Variants in BDKRB2 observed in about 807,000 individuals in gnomAD.
The protein encoded by BDKRB2 is bradykinin receptor B2.
Under a neutral mutation model 4.0 loss-of-function variants are expected in BDKRB2, and 6 were observed. That is an observed-to-expected ratio of 1.49 (90% CI 0.81 to 2.93). The LOEUF (loss-of-function observed/expected upper bound fraction) is 2.93. Among genes scored for constraint, BDKRB2 ranks in the 30% most tolerant of loss-of-function variants. The pLI is 0.00. For missense variants in BDKRB2, 478 were observed against 520.1 expected (o/e 0.92, Z 0.79); for synonymous variants, 225 against 215.3 (o/e 1.05, Z -0.40).
chr14:96,219,447 G>C (rs1283753555), intron 1 of BDKRB2, among the ~76,000 whole-genome samples: 1 of 152,010 alleles, frequency 6.6e-6, no homozygotes, highest in African/African-American at 2.4e-5. Flanking sequence ...CTTGGCTCCT[G>C]CTGCTCTGCC....
At chr14:96,231,901 G>A (rs1165776853) in intron 1 of BDKRB2, among the ~76,000 whole-genome samples, 1 of 152,226 alleles carries the variant, frequency 6.6e-6, no homozygotes, top group African/African-American at 2.4e-5. Flanking sequence ...AGGAGATGCA[G>A]AGGGAGAGGG....
intron 1 of BDKRB2, among the ~76,000 whole-genome samples, chr14:96,220,143 C>A (rs192951571): frequency 1.3e-5 from 2 of 152,086 alleles, no homozygotes; most frequent in Non-Finnish European, 2.9e-5. Context: ...GAAGCGCACC[C>A]TTGTCCAGAA....
rs1885304181 is a variant in BDKRB2 at position 96,241,960 on chromosome 14, A to G, written c.*456A>G. 6.4e-6 allele frequency: 1 copy of G among 155,926 alleles called. No individual in the cohort carries two copies. Among genetic ancestry groups the G allele is most frequent in the African/African-American group, 2.4e-5 (1 of 41,578 alleles). The allele number at this position is 155,926 out of a possible 1,614,324, so 9.7% of individuals were successfully genotyped here. A position where few individuals can be genotyped will look rare whatever the true frequency, so the allele number is the denominator to read the frequency against. On this transcript the variant is annotated 3_prime_UTR_variant, in exon 3 of 3. Coordinates refer to ENST00000554311, the MANE Select transcript of BDKRB2 (RefSeq NM_001379692.1). ...CTGGGTTTCTTTAATCTATTCAGCT[A>G]GAACTTTGAAGGACAATTTCTTGCA...
chr14:96,223,478 T>C (rs1281591030), intron 1 of BDKRB2: 3 of 628,160 alleles, frequency 4.8e-6, no homozygotes, highest in Non-Finnish European at 5.8e-6. Flanking sequence ...ATACACTGTT[T>C]GAATGTGCTG....
intron 1 of BDKRB2, among the ~76,000 whole-genome samples, chr14:96,226,143 G>A (rs1890691253): frequency 6.6e-6 from 1 of 152,122 alleles, no homozygotes; most frequent in South Asian, 2.1e-4. Flanking sequence ...TTTTTTCCTG[G>A]TATACATGAA....
intron 1 of BDKRB2, among the ~76,000 whole-genome samples, chr14:96,205,514 T>A (rs1426043062): frequency 6.6e-6 from 1 of 152,024 alleles, no homozygotes; most frequent in Non-Finnish European, 1.5e-5. Flanking sequence ...GAATGTTGGC[T>A]GATGCGCCTC....
chr14:96,218,226 T>G (rs1890471791), intron 1 of BDKRB2, among the ~76,000 whole-genome samples: 1 of 152,172 alleles, frequency 6.6e-6, no homozygotes, highest in African/African-American at 2.4e-5. Context: ...GTCACCTCCC[T>G]CTCAGAGGTT....
intron 1 of BDKRB2, among the ~76,000 whole-genome samples, chr14:96,205,759 G>A (rs912770367): frequency 6.6e-6 from 1 of 152,242 alleles, no homozygotes; most frequent in Non-Finnish European, 1.5e-5. Flanking sequence ...TTTATGCAAA[G>A]ATAGAGGTAG....
rs1885338748 is a variant in BDKRB2, at chr14:96,243,050, A to G, written c.*1546A>G. 1 of 129,438 alleles carries G rather than the reference A, an allele frequency of 7.7e-6. No homozygotes were observed. The highest frequency in any genetic ancestry group is 7.2e-5 in the Admixed American group (1 of 13,830). The allele number at this position is 129,438 out of a possible 1,614,324, so 8.0% of individuals were successfully genotyped here. A position where few individuals can be genotyped will look rare whatever the true frequency, so the allele number is the denominator to read the frequency against. On this transcript the variant is annotated 3_prime_UTR_variant, in exon 3 of 3. Coordinates refer to ENST00000554311, the MANE Select transcript of BDKRB2 (RefSeq NM_001379692.1). ...GGAGAGGCTAGAACCAAGAAGGGCT[A>G]GAACCTGGAGGGGCTAGAACCTAGA...
In BDKRB2 at chr14:96,240,970, C is replaced by A; in HGVS notation, c.642C>A (p.Ser214Arg). 1 of 1,593,734 alleles carries A rather than the reference C, an allele frequency of 6.3e-7. No individual in the cohort carries two copies. The highest frequency in any genetic ancestry group is 8.6e-7 in the Non-Finnish European group (1 of 1,168,004). The stretch of plus-strand genomic sequence containing the variant: ...ACAACGTCACCGCTTGTGTCATCAG[C>A]TACCCATCCCTCATCTGGGAAGTGT... ...EGHNVTACVI[S>R]YPSLIWEVFT... is the part of the protein sequence containing the mutation. The change falls in exon 3 of 3, where the codon AGC becomes AGA. Residue 214 changes from serine to arginine, a missense_variant. Ser to Arg is a moderately radical substitution (Grantham distance 110). Transcript: ENST00000554311.
chr14:96,238,929 A>T, intron 2 of BDKRB2: 4 of 985,598 alleles, frequency 4.1e-6, no homozygotes, highest in Non-Finnish European at 3.6e-6. Flanking sequence ...GGCAGAGCTC[A>T]GCACAGAGCA....
Position 96,239,036 on chromosome 14 carries a change from C to A in BDKRB2, c.75-1367C>A, listed in dbSNP as rs575809254. ...CCAGCTGCTCCTAGAAGCAAACGGA[C>A]TTTTCCTGGGAAATCCCAGAGGTGA... On this transcript the variant is annotated intron_variant, in intron 2 of 2. Coordinates refer to ENST00000554311, the MANE Select transcript of BDKRB2 (RefSeq NM_001379692.1). 7.1e-6 allele frequency: 7 copies of A among 985,518 alleles called. No individual in the cohort carries two copies. The South Asian group carries it at 2.8e-4, about 40-fold the overall frequency. The allele number at this position is 985,518 out of a possible 1,614,324, so 61.0% of individuals were successfully genotyped here. A position where few individuals can be genotyped will look rare whatever the true frequency, so the allele number is the denominator to read the frequency against.
rs547328294 is a variant in BDKRB2, at chr14:96,218,298, C to T, written c.-40+13339C>T. Among the ~76,000 whole-genome samples the T allele has an allele frequency of 2.0e-3, 297 of 152,220 alleles. 4 individuals carry two copies. Among genetic ancestry groups the T allele is most frequent in the Non-Finnish European group, 4.9e-4 (33 of 68,026 alleles). On this transcript the variant is annotated intron_variant, in intron 1 of 2. Transcript: ENST00000554311. Reference sequence around the variant, plus strand: ...CTAAATGGTGAGATTTTTCCAACTTCTTTGGCTCTAGCATGTCTGTGGTCC... The same window carrying T: ...CTAAATGGTGAGATTTTTCCAACTTTTTTGGCTCTAGCATGTCTGTGGTCC...
chr14:96,226,927 C>G (rs1890710415), intron 1 of BDKRB2, among the ~76,000 whole-genome samples: 1 of 152,222 alleles, frequency 6.6e-6, no homozygotes, highest in African/African-American at 2.4e-5. Flanking sequence ...ATGCTCAAGT[C>G]AGAAAGCCCC....
chr14:96,233,641 G>A (rs751497874), intron 1 of BDKRB2: 1 of 152,128 alleles, frequency 6.6e-6, no homozygotes, highest in Non-Finnish European at 1.5e-5. Context: ...CTACAAGGTC[G>A]CGGGCCCCAC....
At chr14:96,212,086 G>T (rs1890316594) in intron 1 of BDKRB2, among the ~76,000 whole-genome samples, 1 of 152,158 alleles carries the variant, frequency 6.6e-6, no homozygotes, top group Non-Finnish European at 1.5e-5. Context: ...AACAGGCAGG[G>T]ACAGAATCTG....
chr14:96,215,767 T>C (rs1890403018), intron 1 of BDKRB2, among the ~76,000 whole-genome samples: 1 of 152,228 alleles, frequency 6.6e-6, no homozygotes, highest in Non-Finnish European at 1.5e-5. Flanking sequence ...TCTCATCAGA[T>C]GCAATTTCTT....
intron 1 of BDKRB2, among the ~76,000 whole-genome samples, chr14:96,224,430 G>A (rs1456930250): frequency 2.6e-5 from 4 of 152,122 alleles, no homozygotes; most frequent in Non-Finnish European, 4.4e-5. Context: ...ACATTGCAGG[G>A]GTTTCTCTGT....
Position 96,209,331 on chromosome 14 carries a change from G to A in BDKRB2, c.-40+4372G>A, listed in dbSNP as rs373816511. On this transcript the variant is annotated intron_variant, in intron 1 of 2. Coordinates refer to ENST00000554311, the MANE Select transcript of BDKRB2 (RefSeq NM_001379692.1). ...AAAATGTGTGTGGCCTATGCTCTCCGAAGAGTCATGAGACTTAGTGTTGTA... is the reference window on the plus strand; with the variant it reads ...AAAATGTGTGTGGCCTATGCTCTCCAAAGAGTCATGAGACTTAGTGTTGTA... Among the ~76,000 whole-genome samples, 10 of 152,328 alleles carry A rather than the reference G, an allele frequency of 6.6e-5. No homozygotes were observed. In the South Asian group the frequency reaches 1.2e-3, roughly 19 times the overall value.
Sources: gnomAD v4.1 joint callset for allele counts (sites outside exome capture counted in the v4.1 genomes callset) on GRCh38, gnomAD v4.1.1 for gene constraint, MANE v1.5 for transcripts, NCBI Gene and HGNC (gene_info 2026-07-23, HGNC 2026-07-21) for gene names.